The following CEP83 variants were observed in gnomAD, a reference collection of about 807,000 sequenced individuals.
The protein encoded by CEP83 is centrosomal protein 83, also known as centrosomal protein of 83 kDa.
A neutral mutation model predicts 101.9 loss-of-function variants in CEP83; 70 were observed. The observed-to-expected ratio is 0.69, with a 90% CI of 0.57 to 0.84. CEP83 has a LOEUF of 0.84. Among genes scored for constraint, CEP83 ranks in the 40% least tolerant of loss-of-function variants. CEP83 has a pLI of 0.00. For synonymous variants in CEP83, 264 were observed against 267.9 expected, an observed-to-expected ratio of 0.99 and a Z score of 0.14; for missense variants, 715 against 787.2, an observed-to-expected ratio of 0.91 and a Z score of 1.10.
At chr12:94,452,096 C>T (rs966095033) in intron 1 of CEP83, among the ~76,000 whole-genome samples, 1 of 152,102 alleles carries the variant, frequency 6.6e-6, no homozygotes, top group African/African-American at 2.4e-5. Flanking sequence ...ATGCAAAAGA[C>T]TACTGTATTG....
Position 94,412,452 on chromosome 12 carries a change from G to A in CEP83, c.39C>T (p.Pro13=), listed in dbSNP as rs1226283627. The A allele has an allele frequency of 6.2e-7, 1 of 1,612,480 alleles. No homozygotes were observed. Among genetic ancestry groups the A allele is most frequent in the Non-Finnish European group, 8.5e-7 (1 of 1,179,440 alleles). Residue 13 remains proline, a synonymous_variant, in exon 3 of 17, where the codon CCC becomes CCT. Transcript: ENST00000397809. Reference sequence around the variant, plus strand: ...TGTCTCCACCAGGAGGAAAATTATTGGGAAAAGTGTCCATATCGGTAAATG... The same window carrying A: ...TGTCTCCACCAGGAGGAAAATTATTAGGAAAAGTGTCCATATCGGTAAATG... ...VSTFTDMDTF[P]NNFPPGGDSG...
intron 11 of CEP83, among the ~76,000 whole-genome samples, chr12:94,358,221 T>C (rs1287737290): frequency 6.6e-6 from 1 of 152,210 alleles, no homozygotes; most frequent in East Asian, 1.9e-4. Context: ...CTTCTGTACC[T>C]ATAAACTGAT....
the CEP83 span, among the ~76,000 whole-genome samples, chr12:94,271,482 C>T: frequency 0.07 from 10,638 of 152,222 alleles, 785 homozygotes; most frequent in African/African-American, 0.18. Flanking sequence ...TGGGTAAAAC[C>T]GGTAGTGAAA....
chr12:94,303,732 CTTTTTTT>C, downstream of CEP83: 9 of 843,718 alleles, frequency 1.1e-5, no homozygotes, highest in East Asian at 3.9e-5. Context: ...GTGATGGTTG[CTTTTTTT>C]TTTTTTTTTT....
chr12:94,267,662 C>G, the CEP83 span, among the ~76,000 whole-genome samples: 2 of 152,186 alleles, frequency 1.3e-5, no homozygotes, highest in African/African-American at 4.8e-5. Context: ...GCCCAGCCCC[C>G]CTTTCATGGT....
intron 1 of CEP83, among the ~76,000 whole-genome samples, chr12:94,438,414 C>A (rs988557725): frequency 1.3e-5 from 2 of 152,088 alleles, no homozygotes; most frequent in African/African-American, 4.8e-5. Flanking sequence ...TCAGACAAAA[C>A]AAACTTTAAA....
Position 94,350,139 on chromosome 12 carries a change from T to C in CEP83, c.1344-14475A>G, listed in dbSNP as rs541539847. 5.1e-4 allele frequency among the ~76,000 whole-genome samples: 77 copies of C among 152,114 alleles called. 1 individual carries two copies. The highest frequency in any genetic ancestry group is 1.8e-3 in the African/African-American group (76 of 41,494). ...AATATTTTGCACAGAAATAGAAAAA[T>C]CTATCCTAAAATTCGTATGGAATCT... On this transcript the variant is annotated intron_variant, in intron 11 of 16. Coordinates refer to ENST00000397809, the MANE Select transcript of CEP83 (RefSeq NM_016122.3).
At chr12:94,304,137 T>G, downstream of CEP83, 2 of 870,592 alleles carry the variant, frequency 2.3e-6, no homozygotes, top group Non-Finnish European at 3.6e-6. Flanking sequence ...AGAACAGCTC[T>G]GGCATCCCAA....
intron 7 of CEP83, among the ~76,000 whole-genome samples, chr12:94,377,612 C>T (rs1015498410): frequency 3.3e-5 from 5 of 152,174 alleles, no homozygotes; most frequent in South Asian, 4.1e-4. Context: ...TGCTGTCATA[C>T]GCTTATTTTC....
At chr12:94,270,658 C>T in the CEP83 span, among the ~76,000 whole-genome samples, 2 of 151,136 alleles carry the variant, frequency 1.3e-5, no homozygotes, top group African/African-American at 4.9e-5. Flanking sequence ...CTAAATCAGA[C>T]AGCTCTTCAT....
chr12:94,353,645 C>T (rs2060303310), intron 11 of CEP83, among the ~76,000 whole-genome samples: 1 of 150,848 alleles, frequency 6.6e-6, no homozygotes, highest in African/African-American at 2.4e-5. Flanking sequence ...TGGGTAAAGG[C>T]ATAAAAACTC....
chr12:94,376,100 T>TA, intron 7 of CEP83, 83 bp from the exon 8 acceptor site: 1 of 833,848 alleles, frequency 1.2e-6, no homozygotes, highest in South Asian at 3.5e-5. Flanking sequence ...AATACATTTA[T>TA]AATTATACTA....
At chr12:94,372,607 T>C (rs942335302) in intron 8 of CEP83, among the ~76,000 whole-genome samples, 13 of 152,338 alleles carry the variant, frequency 8.5e-5, no homozygotes, top group East Asian at 7.7e-4. Flanking sequence ...TCTTATTTCA[T>C]AGGAAGTTGA....
At chr12:94,300,463 G>A in the CEP83 span, among the ~76,000 whole-genome samples, 58 of 152,282 alleles carry the variant, frequency 3.8e-4, no homozygotes, top group East Asian at 0.01. Context: ...GAATGAGCGC[G>A]GTGAGGAGCA....
downstream of CEP83, among the ~76,000 whole-genome samples, chr12:94,302,617 C>T (rs374977192): frequency 8.5e-5 from 13 of 152,224 alleles, no homozygotes; most frequent in African/African-American, 3.1e-4. Flanking sequence ...CTCACAAGTA[C>T]CAAATAAGGT....
In CEP83 at chr12:94,411,709, T is replaced by G; in HGVS notation, c.312A>C (p.Glu104Asp). The G allele has an allele frequency of 6.3e-7, 1 of 1,598,886 alleles. No individual in the cohort carries two copies. Residue 104 changes from glutamate to aspartate, a missense_variant, in exon 4 of 17, where the codon GAA becomes GAC. By Grantham distance (45) the Glu-to-Asp change is conservative. Coordinates refer to ENST00000397809, the MANE Select transcript of CEP83 (RefSeq NM_016122.3). ...TATATTTTCTCACCTGCAGTTTCAT[T>G]TCTTCTAAATCTTTAGTTTTCTCTA... Reference protein sequence around the residue: ...ELVEKTKDLEEMKLQILTPQK... With the variant: ...ELVEKTKDLEDMKLQILTPQK...
chr12:94,455,387 C>T (rs896871751), intron 1 of CEP83, among the ~76,000 whole-genome samples: 1 of 152,188 alleles, frequency 6.6e-6, no homozygotes, highest in African/African-American at 2.4e-5. Context: ...TATTATACTG[C>T]AATTGTGTTA....
At chr12:94,302,868 C>T (rs1968604633), downstream of CEP83, among the ~76,000 whole-genome samples, 1 of 152,080 alleles carries the variant, frequency 6.6e-6, no homozygotes, top group African/African-American at 2.4e-5. Context: ...AATGCCTGCT[C>T]CAGTGCTTAA....
chr12:94,352,159 G>A (rs943739263), intron 11 of CEP83, among the ~76,000 whole-genome samples: 7 of 152,162 alleles, frequency 4.6e-5, no homozygotes, highest in African/African-American at 9.7e-5. Context: ...GGTGGTTCAC[G>A]CCTGTAATTC....
Sources: gnomAD v4.1 joint callset for allele counts (sites outside exome capture counted in the v4.1 genomes callset) on GRCh38, gnomAD v4.1.1 for gene constraint, MANE v1.5 for transcripts, NCBI Gene and HGNC (gene_info 2026-07-23, HGNC 2026-07-21) for gene names.